MEIKIN: variants seen among roughly 807,000 people sequenced by gnomAD.
MEIKIN encodes the protein meiosis-specific kinetochore protein.
chr5:131,807,631 T>A (rs924435), intron 12 of MEIKIN, among the ~76,000 whole-genome samples: 135,085 of 152,216 alleles, frequency 0.89, 60,213 homozygotes, highest in African/African-American at 0.97. Context: ...ACCCAGGAAG[T>A]CGCCTCTCAT....
chr5:131,933,655 G>GA lies in MEIKIN; in HGVS notation c.350-15dup, dbSNP rs199859322. 3.9e-3 allele frequency: 1,531 copies of GA among 392,856 alleles called. 3 individuals are homozygous for GA. The highest frequency in any genetic ancestry group is 5.3e-3 in the Non-Finnish European group (1,178 of 222,930). 24.3% of individuals were successfully genotyped at this position (392,856 alleles called of 1,614,324 possible). A position where few individuals can be genotyped will look rare whatever the true frequency, so the allele number is the denominator to read the frequency against. On this transcript the variant is annotated splice_polypyrimidine_tract_variant and intron_variant, in intron 4 of 12. Transcript: ENST00000442687. Reference sequence around the variant, plus strand: ...GCAAACTTAATCCTGTAGAATAAAGGAAAAAAAAATTGATAAATCTTTTGA... The same window carrying GA: ...GCAAACTTAATCCTGTAGAATAAAGGAAAAAAAAAATTGATAAATCTTTTGA...
At chr5:131,927,876 T>G (rs1751616323) in intron 5 of MEIKIN, among the ~76,000 whole-genome samples, 1 of 152,190 alleles carries the variant, frequency 6.6e-6, no homozygotes, top group African/African-American at 2.4e-5. Context: ...CCGGGCGCGG[T>G]GGCTCACGCC....
intron 9 of MEIKIN, among the ~76,000 whole-genome samples, chr5:131,859,371 AT>A (rs1449420937): frequency 6.6e-6 from 1 of 152,142 alleles, no homozygotes; most frequent in Non-Finnish European, 1.5e-5. Flanking sequence ...GAAATCCCCA[AT>A]GATGGAGGTG....
At chr5:131,821,142 C>G (rs1435646395) in intron 11 of MEIKIN, among the ~76,000 whole-genome samples, 1 of 152,218 alleles carries the variant, frequency 6.6e-6, no homozygotes, top group East Asian at 1.9e-4. Context: ...ACTTACAGAT[C>G]TAAATTTCCA....
chr5:131,821,630 CTTTTTTTTTTTT>C (rs375765946), intron 11 of MEIKIN, among the ~76,000 whole-genome samples: 23 of 50,446 alleles, frequency 4.6e-4, no homozygotes, highest in African/African-American at 1.4e-3. Flanking sequence ...TGAGGTCTGC[CTTTTTTTTTTTT>C]TTTTTTTTTT....
chr5:131,874,519 A>C (rs1452012500), intron 9 of MEIKIN, among the ~76,000 whole-genome samples: 2 of 152,238 alleles, frequency 1.3e-5, no homozygotes, highest in African/African-American at 4.8e-5. Context: ...TTACCAACGA[A>C]AAAAGTCCAG....
rs187436800 is a variant in MEIKIN at position 131,874,082 on chromosome 5, T to G, written c.774+4896A>C. On this transcript the variant is annotated intron_variant, in intron 9 of 12. Coordinates refer to ENST00000442687, the MANE Select transcript of MEIKIN (RefSeq NM_001303622.2). ...TGACACCCTAACATCACAATTAAAATAACTAGAAAAGCCAGAGCAAACACA... is the reference window on the plus strand; with the variant it reads ...TGACACCCTAACATCACAATTAAAAGAACTAGAAAAGCCAGAGCAAACACA... Among the ~76,000 whole-genome samples the G allele has an allele frequency of 4.1e-3, 621 of 151,974 alleles. 4 individuals carry two copies. The highest frequency in any genetic ancestry group is 0.013 in the African/African-American group (543 of 41,466).
At chr5:131,932,036 T>A (rs1751700305) in intron 5 of MEIKIN, among the ~76,000 whole-genome samples, 1 of 152,152 alleles carries the variant, frequency 6.6e-6, no homozygotes, top group Non-Finnish European at 1.5e-5. Flanking sequence ...GGGGTCAGTA[T>A]CTTTAGATAT....
At chr5:131,920,963 A>G (rs1370324655) in intron 6 of MEIKIN, among the ~76,000 whole-genome samples, 7 of 152,046 alleles carry the variant, frequency 4.6e-5, no homozygotes, top group Non-Finnish European at 7.4e-5. Context: ...CAGTCTCCCA[A>G]AGTGCTGGGA....
intron 9 of MEIKIN, among the ~76,000 whole-genome samples, chr5:131,874,553 T>G (rs1293131133): frequency 1.3e-5 from 2 of 152,232 alleles, no homozygotes; most frequent in Non-Finnish European, 2.9e-5. Flanking sequence ...CACAGCCGAA[T>G]TCTACCAGAG....
At position 131,945,170 on chromosome 5, in the gene MEIKIN, G is replaced by A. The variant is rs1191314487; in HGVS notation, c.186C>T (p.Gly62=). 1.0e-4 allele frequency: 41 copies of A among 399,088 alleles called. No individual in the cohort carries two copies. The South Asian group carries it at 1.1e-3, about 11-fold the overall frequency. The allele number at this position is 399,088 out of a possible 1,614,324, so 24.7% of individuals were successfully genotyped here. A position where few individuals can be genotyped will look rare whatever the true frequency, so the allele number is the denominator to read the frequency against. ...AGGCTACATACCTGAACGGCCCAGA[G>A]CCGCTACCTCCCTGCCTGCTCCGCT... ...KAERSRQGGS[G]SGPFSPRLGV... Residue 62 remains glycine, a synonymous_variant, in exon 2 of 13, where the codon GGC becomes GGT. Transcript: ENST00000442687.
At chr5:131,887,623 C>T (rs1038985565) in intron 8 of MEIKIN, among the ~76,000 whole-genome samples, 1 of 152,114 alleles carries the variant, frequency 6.6e-6, no homozygotes, top group Non-Finnish European at 1.5e-5. Flanking sequence ...CTGTTGGTTG[C>T]ATAAAGGTCT....
rs181645370 is a variant in MEIKIN, at chr5:131,807,708, C to T, written c.1100-450G>A. On this transcript the variant is annotated intron_variant, in intron 12 of 12. Transcript: ENST00000442687. ...TTACAGTTGAACCCAGGTTCCATCC[C>T]GAAGACAGGATTGATTCTGGGGCCT... 4.5e-3 allele frequency among the ~76,000 whole-genome samples: 686 copies of T among 152,332 alleles called. 7 individuals carry two copies. The highest frequency in any genetic ancestry group is 6.7e-3 in the Non-Finnish European group (456 of 68,032).
In MEIKIN at chr5:131,941,142, C is replaced by CTTTTTTTTTTTTTTTTTTTTTTT. The variant is rs397999274; in HGVS notation, c.349+1470_349+1492dup. On this transcript the variant is annotated intron_variant, in intron 4 of 12. Coordinates refer to ENST00000442687, the MANE Select transcript of MEIKIN (RefSeq NM_001303622.2). The stretch of plus-strand genomic sequence containing the variant: ...TTGACAATTCCTTCAAGATCTCTTC[C>CTTTTTTTTTTTTTTTTTTTTTTT]TTTTTTTTTTTTTTTTTTTTTTTTT... Among the ~76,000 whole-genome samples, 2 of 59,662 alleles carry CTTTTTTTTTTTTTTTTTTTTTTT rather than the reference C, an allele frequency of 3.4e-5. 1 individual carries two copies. Among genetic ancestry groups the CTTTTTTTTTTTTTTTTTTTTTTT allele is most frequent in the African/African-American group, 1.5e-4 (2 of 13,088 alleles). 39.1% of individuals were successfully genotyped at this position (59,662 alleles called of 152,430 possible).
intron 9 of MEIKIN, among the ~76,000 whole-genome samples, chr5:131,855,996 G>C (rs986469683): frequency 6.6e-6 from 1 of 152,134 alleles, no homozygotes; most frequent in African/African-American, 2.4e-5. Context: ...TCTCTTGTAA[G>C]ATGTCAAGTC....
chr5:131,819,765 ATTTTTTTTTT>A (rs1167213249), intron 11 of MEIKIN, among the ~76,000 whole-genome samples: 12 of 64,576 alleles, frequency 1.9e-4, no homozygotes, highest in African/African-American at 7.8e-4. Flanking sequence ...ACATCCAGCT[ATTTTTTTTTT>A]TTTTTTTTTT....
intron 11 of MEIKIN, among the ~76,000 whole-genome samples, chr5:131,827,815 C>T (rs1749640533): frequency 6.6e-6 from 1 of 152,134 alleles, no homozygotes; most frequent in African/African-American, 2.4e-5. Flanking sequence ...ACAGAATAAA[C>T]ATTACTTTCA....
chr5:131,913,980 G>C (rs567838971), intron 7 of MEIKIN, among the ~76,000 whole-genome samples: 33 of 152,270 alleles, frequency 2.2e-4, no homozygotes, highest in South Asian at 6.2e-4. Flanking sequence ...GATCATGAGG[G>C]CTCTGCCTTC....
intron 5 of MEIKIN, among the ~76,000 whole-genome samples, chr5:131,932,126 G>A (rs1460406780): frequency 6.6e-6 from 1 of 152,158 alleles, no homozygotes; most frequent in African/African-American, 2.4e-5. Flanking sequence ...AAGCTGACAA[G>A]AAAAATGGGC....
Sources: allele counts gnomAD v4.1 joint callset (sites outside exome capture counted in the v4.1 genomes callset), GRCh38; gene constraint gnomAD v4.1.1; transcripts MANE v1.5; gene names NCBI Gene and HGNC (gene_info 2026-07-23, HGNC 2026-07-21).